RNF149: variants seen among roughly 807,000 people sequenced by gnomAD.
RNF149 encodes E3 ubiquitin-protein ligase RNF149.
Under a neutral mutation model 39.0 loss-of-function variants are expected in RNF149, and 21 were observed. The ratio of observed to expected loss-of-function variants is 0.54; its 90% CI spans 0.38 to 0.77. The LOEUF is 0.77. Among genes scored for constraint, RNF149 ranks in the 30% least tolerant of loss-of-function variants. The pLI is 0.00. For synonymous variants in RNF149, 209 were observed against 213.6 expected (o/e 0.98, Z 0.19); for missense variants, 493 against 534.9 (o/e 0.92, Z 0.77).
At chr2:101,273,217 G>A (rs1455078646), downstream of RNF149, 8 of 970,820 alleles carry the variant, frequency 8.2e-6, no homozygotes, top group Non-Finnish European at 1.5e-6. Context: ...GAGGAGCCGA[G>A]GAAACAGGAC....
chr2:101,307,957 G>A (rs375551061), intron 1 of RNF149, 172 bp downstream of exon 1: 7 of 985,448 alleles, frequency 7.1e-6, no homozygotes, highest in Admixed American at 1.2e-4. Context: ...TCCCAACAGC[G>A]ATCGGGGAGC....
intron 1 of RNF149, among the ~76,000 whole-genome samples, chr2:101,300,402 C>T (rs566756489): frequency 3.4e-4 from 52 of 152,236 alleles, no homozygotes; most frequent in African/African-American, 1.2e-3. Flanking sequence ...GTGATACTGC[C>T]GCAACAAGTA....
chr2:101,279,361 A>G (rs1305449852), intron 6 of RNF149, among the ~76,000 whole-genome samples: 1 of 152,224 alleles, frequency 6.6e-6, no homozygotes, highest in Non-Finnish European at 1.5e-5. Flanking sequence ...AGGACAGCCA[A>G]TGGTAAACTG....
At chr2:101,287,658 T>C (rs1028639477) in intron 4 of RNF149, among the ~76,000 whole-genome samples, 1 of 152,246 alleles carries the variant, frequency 6.6e-6, no homozygotes, top group Non-Finnish European at 1.5e-5. Flanking sequence ...GATCAACTTA[T>C]ACTGATCCAA....
At position 101,276,901 on chromosome 2, in the gene RNF149, A is replaced by T. The variant is rs1273489211; in HGVS notation, c.*337T>A. On this transcript the variant is annotated 3_prime_UTR_variant, in exon 7 of 7. Transcript: ENST00000295317. Reference sequence around the variant, plus strand: ...CTTTGCCAAAAACCTTGAAAAATAGAATTAACTGGTTTTTACAGAACCATA... The same window carrying T: ...CTTTGCCAAAAACCTTGAAAAATAGTATTAACTGGTTTTTACAGAACCATA... 1 of 1,031,368 alleles carries T rather than the reference A, an allele frequency of 9.7e-7. No homozygotes were observed. Among genetic ancestry groups the T allele is most frequent in the Non-Finnish European group, 1.2e-6 (1 of 855,946 alleles). The allele number at this position is 1,031,368 out of a possible 1,614,324, so 63.9% of individuals were successfully genotyped here.
intron 4 of RNF149, among the ~76,000 whole-genome samples, chr2:101,287,773 C>T (rs1323407375): frequency 1.3e-5 from 2 of 152,176 alleles, no homozygotes; most frequent in Admixed American, 6.5e-5. Flanking sequence ...CTGATACTCA[C>T]GCCTTCATTT....
intron 1 of RNF149, among the ~76,000 whole-genome samples, chr2:101,303,418 C>T (rs962386607): frequency 5.3e-5 from 8 of 152,144 alleles, no homozygotes; most frequent in South Asian, 2.1e-4. Flanking sequence ...TGAGCTACTG[C>T]GCCCGACCCC....
intron 5 of RNF149, among the ~76,000 whole-genome samples, chr2:101,282,918 C>T (rs1280789433): frequency 6.6e-6 from 1 of 152,122 alleles, no homozygotes; most frequent in Non-Finnish European, 1.5e-5. Context: ...AACGCCCTCC[C>T]ATCCCTACTC....
downstream of RNF149, among the ~76,000 whole-genome samples, chr2:101,273,784 TATC>T (rs370751446): frequency 2.7e-4 from 41 of 152,302 alleles, no homozygotes; most frequent in African/African-American, 8.4e-4. Flanking sequence ...GTCACTTCTT[TATC>T]ATGTTAATTT....
chr2:101,289,371 C>A (rs1682917199), intron 3 of RNF149, among the ~76,000 whole-genome samples: 1 of 152,074 alleles, frequency 6.6e-6, no homozygotes, highest in Non-Finnish European at 1.5e-5. Context: ...AAGCAGTAAA[C>A]ATTTTATTTA....
Position 101,275,753 on chromosome 2 carries a change from C to T in RNF149, c.*1485G>A. The T allele has an allele frequency of 1.0e-6, 1 of 978,214 alleles. No homozygotes were observed. Among genetic ancestry groups the T allele is most frequent in the Non-Finnish European group, 1.2e-6 (1 of 823,504 alleles). 60.6% of individuals were successfully genotyped at this position (978,214 alleles called of 1,614,324 possible). On this transcript the variant is annotated 3_prime_UTR_variant, in exon 7 of 7. Coordinates refer to ENST00000295317, the MANE Select transcript of RNF149 (RefSeq NM_173647.4). ...ACCGCGCCCGGCCCTCCTAGTATTT[C>T]TTAAAGACAAAGAGCAAACAATCTA...
intron 1 of RNF149, among the ~76,000 whole-genome samples, chr2:101,298,619 C>T (rs2104425584): frequency 1.3e-5 from 2 of 152,174 alleles, no homozygotes; most frequent in Admixed American, 6.5e-5. Flanking sequence ...AACATGTAAA[C>T]TGTGTGGACA....
intron 1 of RNF149, among the ~76,000 whole-genome samples, chr2:101,298,232 C>G (rs1330079866): frequency 6.6e-6 from 1 of 152,032 alleles, no homozygotes; most frequent in African/African-American, 2.4e-5. Flanking sequence ...ACCAGCTTGG[C>G]CATCATGGCA....
intron 6 of RNF149, among the ~76,000 whole-genome samples, chr2:101,277,538 G>C (rs946440572): frequency 1.3e-5 from 2 of 152,018 alleles, no homozygotes; most frequent in African/African-American, 4.8e-5. Context: ...ACAGGCACCC[G>C]CCACCACATT....
chr2:101,277,945 T>C (rs1237887875), intron 6 of RNF149, among the ~76,000 whole-genome samples: 1 of 152,164 alleles, frequency 6.6e-6, no homozygotes, highest in Non-Finnish European at 1.5e-5. Flanking sequence ...GTATTTATAT[T>C]GACCCTAAGA....
chr2:101,287,944 T>C (rs4851415), intron 4 of RNF149, among the ~76,000 whole-genome samples: 126,494 of 152,214 alleles, frequency 0.83, 53,142 homozygotes, highest in East Asian at 1. Context: ...TTTCTGTACA[T>C]AAAATGAACC....
chr2:101,302,400 T>C (rs1435043853), intron 1 of RNF149, among the ~76,000 whole-genome samples: 2 of 152,156 alleles, frequency 1.3e-5, no homozygotes, highest in East Asian at 3.8e-4. Flanking sequence ...TCTGAAGCCA[T>C]TATGCAAAAC....
At chr2:101,288,229 ACTT>A (rs1682869669) in intron 4 of RNF149, among the ~76,000 whole-genome samples, 3 of 132,126 alleles carry the variant, frequency 2.3e-5, no homozygotes, top group African/African-American at 8.4e-5. Context: ...GGAAAGAAAA[ACTT>A]TTTTTTTTTT....
At chr2:101,292,018 T>C (rs1192645996) in intron 3 of RNF149, among the ~76,000 whole-genome samples, 12 of 152,214 alleles carry the variant, frequency 7.9e-5, no homozygotes, top group African/African-American at 2.7e-4. Flanking sequence ...ACCATAAACA[T>C]GCTCAGAACA....
Sources: gnomAD v4.1 joint callset for allele counts (sites outside exome capture counted in the v4.1 genomes callset) on GRCh38, gnomAD v4.1.1 for gene constraint, MANE v1.5 for transcripts, NCBI Gene and HGNC (gene_info 2026-07-23, HGNC 2026-07-21) for gene names.